ANKRD62: variants seen among roughly 807,000 people sequenced by gnomAD.
The protein encoded by ANKRD62 is ankyrin repeat domain 62, also known as ankyrin repeat domain-containing protein 62.
A neutral mutation model predicts 98.8 loss-of-function variants in ANKRD62; 61 were observed. The observed-to-expected ratio is 0.62, with a 90% CI of 0.50 to 0.76. The LOEUF is 0.76. Ranked by LOEUF, ANKRD62 falls within the 30% of genes least tolerant of loss-of-function variation. The pLI, the probability that ANKRD62 is intolerant of heterozygous loss-of-function variation, is 0.00. For synonymous variants in ANKRD62, 341 were observed against 367.9 expected (o/e 0.93, Z 0.84); for missense variants, 933 against 1,082.9 (o/e 0.86, Z 1.94).
At chr18:12,175,456 C>T in the ANKRD62 span, among the ~76,000 whole-genome samples, 1 of 152,030 alleles carries the variant, frequency 6.6e-6, no homozygotes, top group Non-Finnish European at 1.5e-5. Context: ...ACAAGGAAAG[C>T]AAAACCCGTC....
intron 10 of ANKRD62, among the ~76,000 whole-genome samples, chr18:12,118,093 G>A (rs1296893055): frequency 6.6e-6 from 1 of 152,114 alleles, no homozygotes; most frequent in Non-Finnish European, 1.5e-5. Context: ...AGCCCATAGT[G>A]TGCATTGTAC....
intron 10 of ANKRD62, among the ~76,000 whole-genome samples, chr18:12,116,236 C>T (rs1309816105): frequency 5.3e-5 from 8 of 152,124 alleles, no homozygotes; most frequent in Admixed American, 5.2e-4. Context: ...GCTTTATGTT[C>T]CTTTTTTAGA....
chr18:12,152,042 A>G, the ANKRD62 span, among the ~76,000 whole-genome samples: 2 of 151,646 alleles, frequency 1.3e-5, no homozygotes, highest in Non-Finnish European at 2.9e-5. Context: ...TTAACAGACC[A>G]ATGATGAGCT....
intron 10 of ANKRD62, among the ~76,000 whole-genome samples, chr18:12,117,787 C>T (rs1196812463): frequency 1.3e-5 from 2 of 152,160 alleles, no homozygotes; most frequent in African/African-American, 2.4e-5. Context: ...AATGTTAAGC[C>T]AACCCTGCAG....
chr18:12,170,585 G>A, the ANKRD62 span, among the ~76,000 whole-genome samples: 2 of 152,196 alleles, frequency 1.3e-5, no homozygotes, highest in African/African-American at 4.8e-5. Context: ...GCAATGTGGT[G>A]CTGAGAAGAA....
the ANKRD62 span, among the ~76,000 whole-genome samples, chr18:12,181,665 G>C: frequency 1.3e-5 from 2 of 152,098 alleles, no homozygotes; most frequent in Non-Finnish European, 2.9e-5. Context: ...GGCCGAATAG[G>C]AACAGCTCTG....
chr18:12,113,464 A>T (rs1568062423), intron 8 of ANKRD62, among the ~76,000 whole-genome samples: 1 of 152,178 alleles, frequency 6.6e-6, no homozygotes, highest in Non-Finnish European at 1.5e-5. Flanking sequence ...CGTCTCTACT[A>T]AAAATACAAA....
the ANKRD62 span, among the ~76,000 whole-genome samples, chr18:12,153,045 A>G: frequency 4.8e-4 from 73 of 152,348 alleles, no homozygotes; most frequent in East Asian, 9.8e-3. Flanking sequence ...CAGGAATTCA[A>G]TCCCATTCAC....
At chr18:12,139,355 A>T in the ANKRD62 span, among the ~76,000 whole-genome samples, 2 of 152,118 alleles carry the variant, frequency 1.3e-5, no homozygotes, top group Non-Finnish European at 2.9e-5. Flanking sequence ...TTTCTTTAAG[A>T]ATGTTGAAGC....
chr18:12,116,243 T>A (rs1392444498), intron 10 of ANKRD62, among the ~76,000 whole-genome samples: 1 of 152,210 alleles, frequency 6.6e-6, no homozygotes, highest in African/African-American at 2.4e-5. Flanking sequence ...GTTCCTTTTT[T>A]AGAAAAAGCT....
chr18:12,129,789 C>T (rs1909974576), downstream of ANKRD62: 3 of 150,082 alleles, frequency 2.0e-5, no homozygotes, highest in South Asian at 6.3e-4. Flanking sequence ...GTCGATTTGT[C>T]CTAGATTATC....
intron 8 of ANKRD62, among the ~76,000 whole-genome samples, chr18:12,109,914 G>A (rs927946433): frequency 2.9e-5 from 4 of 136,786 alleles, no homozygotes; most frequent in Non-Finnish European, 4.6e-5. Flanking sequence ...AATAGGTTTC[G>A]TTGTCATTCA....
chr18:12,179,579 G>A, the ANKRD62 span, among the ~76,000 whole-genome samples: 4 of 151,412 alleles, frequency 2.6e-5, no homozygotes, highest in African/African-American at 7.3e-5. Context: ...CACTACAGTG[G>A]CAGATACACC....
intron 8 of ANKRD62, among the ~76,000 whole-genome samples, chr18:12,107,942 T>C (rs1404320470): frequency 1.3e-5 from 2 of 152,298 alleles, no homozygotes; most frequent in South Asian, 4.1e-4. Flanking sequence ...GGCCAACATA[T>C]ATATGCATGT....
chr18:12,124,232 G>A lies in ANKRD62; in HGVS notation c.1550G>A (p.Arg517Lys), dbSNP rs868263579. 20 of 1,409,458 alleles carry A rather than the reference G, an allele frequency of 1.4e-5. No homozygotes were observed. The highest frequency in any genetic ancestry group is 1.8e-5 in the Non-Finnish European group (19 of 1,036,268). The allele number at this position is 1,409,458 out of a possible 1,614,324, so 87.3% of individuals were successfully genotyped here. ...EELKIMEEQY[R>K]TQTEVKKQSK... ...TTAAAAATAATGGAAGAGCAATATAGGACACAAACTGAAGTGAAAAAACAA... is the reference window on the plus strand; with the variant it reads ...TTAAAAATAATGGAAGAGCAATATAAGACACAAACTGAAGTGAAAAAACAA... The change falls in exon 12 of 14, where the codon AGG (arginine) becomes AAG (lysine). Residue 517 changes from arginine (R) to lysine (K), a missense_variant. Arg to Lys is a conservative substitution (Grantham distance 26). Coordinates refer to ENST00000587848, the MANE Select transcript of ANKRD62 (RefSeq NM_001277333.2).
chr18:12,155,484 G>C, the ANKRD62 span, among the ~76,000 whole-genome samples: 1 of 152,050 alleles, frequency 6.6e-6, no homozygotes, highest in South Asian at 2.1e-4. Flanking sequence ...TGTGGTTCTA[G>C]ACTGCCATGG....
the ANKRD62 span, among the ~76,000 whole-genome samples, chr18:12,173,310 GCAAC>G: frequency 1.3e-5 from 2 of 152,304 alleles, no homozygotes; most frequent in South Asian, 4.1e-4. Flanking sequence ...AACTCAGATT[GCAAC>G]CCTTGCTTTT....
chr18:12,135,012 T>C, the ANKRD62 span, among the ~76,000 whole-genome samples: 1,393 of 150,584 alleles, frequency 9.3e-3, 22 homozygotes, highest in African/African-American at 0.033. Flanking sequence ...GTTCCTATTT[T>C]TCCACATCCT....
chr18:12,130,177 T>G (rs1275368103), downstream of ANKRD62, among the ~76,000 whole-genome samples: 4 of 150,324 alleles, frequency 2.7e-5, no homozygotes, highest in African/African-American at 7.3e-5. Context: ...ATTTTTAATT[T>G]TACACATCAC....
Sources: allele counts gnomAD v4.1 joint callset (sites outside exome capture counted in the v4.1 genomes callset), GRCh38; gene constraint gnomAD v4.1.1; transcripts MANE v1.5; gene names NCBI Gene and HGNC (gene_info 2026-07-23, HGNC 2026-07-21).